OLFM3: variants seen among roughly 807,000 people sequenced by gnomAD.
OLFM3 encodes noelin-3.
A neutral mutation model predicts 48.6 loss-of-function variants in OLFM3; 20 were observed. The observed-to-expected ratio is 0.41, with a 90% CI of 0.29 to 0.60. The LOEUF (loss-of-function observed/expected upper bound fraction) is 0.60. Among genes scored for constraint, OLFM3 ranks in the 20% least tolerant of loss-of-function variants. The probability of loss-of-function intolerance (pLI) is 0.28; values close to 1 mark genes in which losing one functional copy is unlikely to be tolerated. For missense variants in OLFM3, 437 were observed against 544.3 expected, an observed-to-expected ratio of 0.80 and a Z score of 1.96; for synonymous variants, 222 against 198.1, an observed-to-expected ratio of 1.12 and a Z score of -1.01.
intron 4 of OLFM3, among the ~76,000 whole-genome samples, chr1:101,817,743 G>A (rs949756876): frequency 1.3e-5 from 2 of 152,026 alleles, no homozygotes; most frequent in African/African-American, 4.8e-5. Flanking sequence ...TGGACAGAAT[G>A]TTATTTCTTT....
At chr1:101,947,689 C>T (rs11164345) in intron 1 of OLFM3, among the ~76,000 whole-genome samples, 60,829 of 151,746 alleles carry the variant, frequency 0.4, 12,426 homozygotes, top group East Asian at 0.51. Flanking sequence ...TAGAAATGTT[C>T]ATAAACTTTT....
At chr1:101,850,937 A>G (rs1345002727) in intron 1 of OLFM3, among the ~76,000 whole-genome samples, 3 of 136,782 alleles carry the variant, frequency 2.2e-5, no homozygotes, top group African/African-American at 7.5e-5. Context: ...AAAAAAAGAG[A>G]TAAGAAGGAG....
intron 1 of OLFM3, among the ~76,000 whole-genome samples, chr1:101,959,851 G>T (rs1557747165): frequency 6.6e-6 from 1 of 152,060 alleles, no homozygotes; most frequent in Non-Finnish European, 1.5e-5. Flanking sequence ...TAATAAAAAT[G>T]CAAATTTATA....
At chr1:101,961,988 G>A (rs897930552) in intron 1 of OLFM3, among the ~76,000 whole-genome samples, 7 of 152,004 alleles carry the variant, frequency 4.6e-5, no homozygotes, top group African/African-American at 1.7e-4. Context: ...TAACACTTCT[G>A]TCAACATTTT....
chr1:101,814,539 G>A (rs899711837), intron 4 of OLFM3, among the ~76,000 whole-genome samples: 1 of 152,108 alleles, frequency 6.6e-6, no homozygotes, highest in African/African-American at 2.4e-5. Context: ...TTTAATTTGA[G>A]ATCTTATTGA....
At chr1:101,918,204 G>C (rs1658983908) in intron 1 of OLFM3, among the ~76,000 whole-genome samples, 1 of 152,184 alleles carries the variant, frequency 6.6e-6, no homozygotes, top group Admixed American at 6.5e-5. Context: ...TCTTCAAGGA[G>C]TTAAATTTCC....
intron 1 of OLFM3, among the ~76,000 whole-genome samples, chr1:101,939,056 T>TA (rs1440330141): frequency 6.6e-6 from 1 of 152,048 alleles, no homozygotes; most frequent in Non-Finnish European, 1.5e-5. Flanking sequence ...TCTCACTTGG[T>TA]AAAATCCCTG....
At chr1:101,937,836 C>T (rs1659670222) in intron 1 of OLFM3, among the ~76,000 whole-genome samples, 1 of 152,138 alleles carries the variant, frequency 6.6e-6, no homozygotes, top group Non-Finnish European at 1.5e-5. Flanking sequence ...ATCTGGTTCT[C>T]CTTAATTGCA....
intron 1 of OLFM3, among the ~76,000 whole-genome samples, chr1:101,914,113 T>C (rs1658848897): frequency 6.6e-6 from 1 of 152,192 alleles, no homozygotes; most frequent in Non-Finnish European, 1.5e-5. Flanking sequence ...TATGGGGACA[T>C]GCATAATTAA....
In OLFM3 at chr1:101,967,590, G is replaced by GAAAAAA. The variant is rs71592233; in HGVS notation, c.69+29152_69+29157dup. Reference sequence around the variant, plus strand: ...CCTTTTTACTTCCATCCTAGTCAGTGAAAAAAAAAAAAAAAAAAAAAAAAG... The same window carrying GAAAAAA: ...CCTTTTTACTTCCATCCTAGTCAGTGAAAAAAAAAAAAAAAAAAAAAAAAAAAAAAG... On this transcript the variant is annotated intron_variant, in intron 1 of 5. Coordinates refer to ENST00000370103, the MANE Select transcript of OLFM3 (RefSeq NM_058170.4). Among the ~76,000 whole-genome samples, 239 of 44,552 alleles carry GAAAAAA rather than the reference G, an allele frequency of 5.4e-3. 7 individuals carry two copies. The highest frequency in any genetic ancestry group is 0.017 in the African/African-American group (159 of 9,234). The allele number at this position is 44,552 out of a possible 152,430, so 29.2% of individuals were successfully genotyped here.
At chr1:101,878,082 C>T (rs1488877526) in intron 1 of OLFM3, among the ~76,000 whole-genome samples, 1 of 151,762 alleles carries the variant, frequency 6.6e-6, no homozygotes, top group Non-Finnish European at 1.5e-5. Flanking sequence ...GAAGATACAC[C>T]TGGGCACTAA....
At chr1:101,879,150 T>A (rs1374617423) in intron 1 of OLFM3, among the ~76,000 whole-genome samples, 1 of 151,874 alleles carries the variant, frequency 6.6e-6, no homozygotes, top group African/African-American at 2.4e-5. Flanking sequence ...GATTGTGGCA[T>A]CATCCTTTTG....
intron 1 of OLFM3, among the ~76,000 whole-genome samples, chr1:101,842,202 A>T (rs547997362): frequency 5.9e-5 from 9 of 152,212 alleles, no homozygotes; most frequent in East Asian, 1.9e-4. Context: ...ATAAAAGCAA[A>T]AATAATAATA....
In OLFM3 at chr1:101,808,766, G is replaced by T. The variant is rs534157657; in HGVS notation, c.593-2584C>A. Among the ~76,000 whole-genome samples the T allele has an allele frequency of 2.5e-4, 38 of 151,806 alleles. No individual in the cohort carries two copies. In the South Asian group the frequency reaches 6.8e-3, roughly 27 times the overall value. On this transcript the variant is annotated intron_variant, in intron 4 of 5. Coordinates refer to ENST00000370103, the MANE Select transcript of OLFM3 (RefSeq NM_058170.4). ...ACAGGAGTTTCCAAGCACATTTATT[G>T]TTCAAAACTTTAAAAATATATGTAT...
intron 1 of OLFM3, 63 bp downstream of exon 1, chr1:101,996,685 T>A: frequency 4.5e-6 from 7 of 1,539,326 alleles, no homozygotes; most frequent in Non-Finnish European, 6.3e-6. Context: ...TTATTTGCAT[T>A]TCTGTTAGGT....
In OLFM3 at chr1:101,885,011, C is replaced by T. The variant is rs185057974; in HGVS notation, c.70-47986G>A. On this transcript the variant is annotated intron_variant, in intron 1 of 5. Transcript: ENST00000370103. ...TGAAAGAGAACCCCAATAGACAGAACACCAGGAAAGTCCATTGAAGATGTC... is the reference window on the plus strand; with the variant it reads ...TGAAAGAGAACCCCAATAGACAGAATACCAGGAAAGTCCATTGAAGATGTC... Among the ~76,000 whole-genome samples the T allele has an allele frequency of 2.1e-3, 314 of 152,056 alleles. 2 individuals are homozygous for T. Among genetic ancestry groups the T allele is most frequent in the African/African-American group, 6.7e-3 (276 of 41,490 alleles).
chr1:101,868,607 A>T (rs1656948407), intron 1 of OLFM3, among the ~76,000 whole-genome samples: 1 of 152,246 alleles, frequency 6.6e-6, no homozygotes, highest in Non-Finnish European at 1.5e-5. Context: ...CATTTTCTAG[A>T]GAGAAATTCA....
rs541114683 is a variant in OLFM3, at chr1:101,860,447, A to G, written c.70-23422T>C. Among the ~76,000 whole-genome samples, 272 of 152,092 alleles carry G rather than the reference A, an allele frequency of 1.8e-3. 4 individuals carry two copies. Among genetic ancestry groups the G allele is most frequent in the African/African-American group, 6.3e-3 (262 of 41,446 alleles). On this transcript the variant is annotated intron_variant, in intron 1 of 5. Coordinates refer to ENST00000370103, the MANE Select transcript of OLFM3 (RefSeq NM_058170.4). The stretch of plus-strand genomic sequence containing the variant: ...TCTCATTATTTAGTTTCATTCCACA[A>G]TCATGAAGAGATATGTTTTTGCAAA...
chr1:101,869,613 T>C (rs953988055), intron 1 of OLFM3, among the ~76,000 whole-genome samples: 2 of 151,900 alleles, frequency 1.3e-5, no homozygotes, highest in African/African-American at 4.8e-5. Context: ...TACATGAAAT[T>C]TGGGAGGGAG....
Sources: gnomAD v4.1 joint callset for allele counts (sites outside exome capture counted in the v4.1 genomes callset) on GRCh38, gnomAD v4.1.1 for gene constraint, MANE v1.5 for transcripts, NCBI Gene and HGNC (gene_info 2026-07-23, HGNC 2026-07-21) for gene names.